The following EXOC2 variants were observed in gnomAD, a reference collection of about 807,000 sequenced individuals.
EXOC2 encodes exocyst complex component 2, also known as SEC5-like 1.
Under a neutral mutation model 131.8 loss-of-function variants are expected in EXOC2, and 70 were observed. That is an observed-to-expected ratio of 0.53 (90% CI 0.44 to 0.65). The LOEUF (loss-of-function observed/expected upper bound fraction) is 0.65, where lower values mean the gene tolerates loss of function less well. Ranked by LOEUF, EXOC2 falls within the 30% of genes least tolerant of loss-of-function variation. The pLI is 0.00. For missense variants in EXOC2, 923 were observed against 1,108.6 expected (o/e 0.83, Z 2.38); for synonymous variants, 411 against 398.4 (o/e 1.03, Z -0.38).
At chr6:533,706 G>C (rs535717903) in intron 22 of EXOC2, among the ~76,000 whole-genome samples, 16 of 152,212 alleles carry the variant, frequency 1.1e-4, no homozygotes, top group African/African-American at 3.6e-4. Flanking sequence ...AAGAAGAAGA[G>C]GGGGGAGGCA....
rs1229195542 is a variant in EXOC2 at position 564,711 on chromosome 6, C to A, written c.1510-9G>T. ...ACTTCCTGAATCATTTTCTAGAAAA[C>A]CAGGAACAAGCATAACCGTGTTCAA... On this transcript the variant is annotated splice_polypyrimidine_tract_variant and intron_variant, in intron 14 of 27. Transcript: ENST00000230449. 1.3e-6 allele frequency: 2 copies of A among 1,586,218 alleles called. No individual in the cohort carries two copies. The highest frequency in any genetic ancestry group is 3.6e-5 in the Admixed American group (2 of 55,870).
chr6:574,781 C>A (rs1758486264), intron 12 of EXOC2, among the ~76,000 whole-genome samples: 1 of 152,242 alleles, frequency 6.6e-6, no homozygotes, highest in Non-Finnish European at 1.5e-5. Flanking sequence ...AGCTTAGAAT[C>A]TAACAGAACA....
chr6:600,002 G>GA (rs1034752205), intron 7 of EXOC2, among the ~76,000 whole-genome samples: 2 of 151,904 alleles, frequency 1.3e-5, no homozygotes, highest in African/African-American at 2.4e-5. Context: ...CGAAAGGAGA[G>GA]AAAAAAGATA....
rs578002341 is a variant in EXOC2, at chr6:600,206, A to G, written c.743-981T>C. Among the ~76,000 whole-genome samples, 3 of 152,248 alleles carry G rather than the reference A, an allele frequency of 2.0e-5. No individual in the cohort carries two copies. The East Asian group carries it at 5.8e-4, about 29-fold the overall frequency. ...TTTGTAACATGATTGTTTTATCTAA[A>G]TAATGTTTAAATTCTGTTGAAATTT... On this transcript the variant is annotated intron_variant, in intron 7 of 27. Transcript: ENST00000230449.
intron 23 of EXOC2, among the ~76,000 whole-genome samples, chr6:512,282 A>C (rs1038698382): frequency 2.0e-5 from 3 of 152,200 alleles, no homozygotes; most frequent in African/African-American, 7.2e-5. Flanking sequence ...GGGTTTTCTC[A>C]TGCCTCTGCT....
intron 23 of EXOC2, among the ~76,000 whole-genome samples, chr6:514,799 G>A (rs1326732317): frequency 6.6e-6 from 1 of 152,236 alleles, no homozygotes; most frequent in Non-Finnish European, 1.5e-5. Context: ...CCAGCAGGCA[G>A]GCCCTGGGTC....
chr6:656,638 G>T, intron 1 of EXOC2: 1 of 1,606,500 alleles, frequency 6.2e-7, no homozygotes. Context: ...TGGGTCAGCT[G>T]CAGCTTCAGG....
intron 25 of EXOC2, among the ~76,000 whole-genome samples, chr6:495,709 T>A (rs1019325495): frequency 1.3e-5 from 2 of 152,118 alleles, no homozygotes; most frequent in Admixed American, 1.3e-4. Flanking sequence ...GAGTCAGTCT[T>A]TAATTTTTAT....
chr6:521,981 G>T lies in EXOC2; in HGVS notation c.2380+10488C>A, dbSNP rs961609409. 2.4e-4 allele frequency among the ~76,000 whole-genome samples: 37 copies of T among 152,142 alleles called. 1 individual carries two copies. Among genetic ancestry groups the T allele is most frequent in the Non-Finnish European group, 8.8e-5 (6 of 68,032 alleles). On this transcript the variant is annotated intron_variant, in intron 23 of 27. Coordinates refer to ENST00000230449, the MANE Select transcript of EXOC2 (RefSeq NM_018303.6). ...AACTATTAATATAAAAAACCCAAGG[G>T]TAAATTTCGTATTTTATTGATGTTC...
chr6:628,675 T>C (rs1180090823), intron 4 of EXOC2, among the ~76,000 whole-genome samples: 35 of 152,220 alleles, frequency 2.3e-4, no homozygotes, highest in Admixed American at 2.3e-3. Flanking sequence ...GAGGGCCTCC[T>C]GCTCCACACT....
At chr6:616,502 C>T (rs1761010672) in intron 6 of EXOC2, among the ~76,000 whole-genome samples, 1 of 144,878 alleles carries the variant, frequency 6.9e-6, no homozygotes, top group African/African-American at 2.5e-5. Context: ...CCTCGGGAGG[C>T]TGAGGCAGGA....
intron 1 of EXOC2, among the ~76,000 whole-genome samples, chr6:654,467 T>C (rs1762966746): frequency 6.6e-6 from 1 of 152,114 alleles, no homozygotes; most frequent in African/African-American, 2.4e-5. Context: ...TGGTGGAGGA[T>C]GTCACCGCAA....
chr6:621,321 C>A (rs927058943), intron 4 of EXOC2, among the ~76,000 whole-genome samples: 1 of 152,216 alleles, frequency 6.6e-6, no homozygotes, highest in African/African-American at 2.4e-5. Context: ...CCTACCCCAG[C>A]TCTCCCCACA....
At chr6:600,631 T>A (rs533006468) in intron 7 of EXOC2, among the ~76,000 whole-genome samples, 1 of 150,830 alleles carries the variant, frequency 6.6e-6, no homozygotes, top group Non-Finnish European at 1.5e-5. Flanking sequence ...GAATTCAAAA[T>A]TAGATTTTTC....
chr6:625,660 C>T (rs1394723206), intron 4 of EXOC2, among the ~76,000 whole-genome samples: 2 of 151,776 alleles, frequency 1.3e-5, no homozygotes, highest in African/African-American at 2.4e-5. Flanking sequence ...ATTAATTTGC[C>T]GTCAGTTTTC....
chr6:683,676 A>C (rs1401868780), intron 1 of EXOC2, among the ~76,000 whole-genome samples: 1 of 152,236 alleles, frequency 6.6e-6, no homozygotes, highest in Non-Finnish European at 1.5e-5. Flanking sequence ...GATTAATTTG[A>C]CCCAAATTTT....
intron 17 of EXOC2, among the ~76,000 whole-genome samples, chr6:557,532 C>A (rs548055784): frequency 6.7e-6 from 1 of 148,156 alleles, no homozygotes; most frequent in African/African-American, 2.5e-5. Flanking sequence ...ACAGGAGAAT[C>A]GCTTGAACCT....
chr6:486,539 C>T lies in EXOC2; in HGVS notation c.*132G>A, dbSNP rs559829851. On this transcript the variant is annotated 3_prime_UTR_variant, in exon 28 of 28. Coordinates refer to ENST00000230449, the MANE Select transcript of EXOC2 (RefSeq NM_018303.6). ...GGTTGAAATGTATACCAACAATTTT[C>T]GAAGTCAGAGGAAGAAAAAAGAGAA... The T allele has an allele frequency of 3.1e-5, 23 of 738,074 alleles. 1 individual carries two copies. Among genetic ancestry groups the T allele is most frequent in the East Asian group, 2.8e-4 (11 of 38,710 alleles). The allele number at this position is 738,074 out of a possible 1,614,324, so 45.7% of individuals were successfully genotyped here. A position where few individuals can be genotyped will look rare whatever the true frequency, so the allele number is the denominator to read the frequency against.
intron 6 of EXOC2, among the ~76,000 whole-genome samples, chr6:616,447 C>CA (rs1266315595): frequency 6.6e-6 from 1 of 151,776 alleles, no homozygotes; most frequent in Middle Eastern, 3.4e-3. Context: ...ACTAAAAATA[C>CA]AAAAAATTAG....
Sources: allele counts gnomAD v4.1 joint callset (sites outside exome capture counted in the v4.1 genomes callset), GRCh38; gene constraint gnomAD v4.1.1; transcripts MANE v1.5; gene names NCBI Gene and HGNC (gene_info 2026-07-23, HGNC 2026-07-21).